PSPC1: variants seen among roughly 807,000 people sequenced by gnomAD.
The protein encoded by PSPC1 is paraspeckle protein 1.
A neutral mutation model predicts 51.6 loss-of-function variants in PSPC1; 14 were observed. The observed-to-expected ratio is 0.27, with a 90% CI of 0.18 to 0.42. The LOEUF (loss-of-function observed/expected upper bound fraction) is 0.42. Among genes scored for constraint, PSPC1 ranks in the 10% least tolerant of loss-of-function variants. The pLI, the probability that PSPC1 is intolerant of heterozygous loss-of-function variation, is 1.00. For missense variants in PSPC1, 406 were observed against 701.1 expected, an observed-to-expected ratio of 0.58 and a Z score of 4.75; for synonymous variants, 193 against 231.9, an observed-to-expected ratio of 0.83 and a Z score of 1.53.
rs184887509 is a variant in PSPC1 at position 19,683,555 on chromosome 13, C to T, written c.1159-5732G>A. On this transcript the variant is annotated intron_variant and NMD_transcript_variant, in intron 6 of 7. Transcript: ENST00000471658. The stretch of plus-strand genomic sequence containing the variant: ...TCATAAGACCTTACGTTTATGAAAA[C>T]AGTCAAACTGAACAAAATCCAAAAC... Among the ~76,000 whole-genome samples the T allele has an allele frequency of 1.8e-4, 28 of 151,860 alleles. 1 individual carries two copies. Among genetic ancestry groups the T allele is most frequent in the South Asian group, 4.2e-4 (2 of 4,816 alleles).
intron 6 of PSPC1, among the ~76,000 whole-genome samples, chr13:19,681,318 T>C (rs933283945): frequency 4.6e-5 from 7 of 152,164 alleles, no homozygotes; most frequent in African/African-American, 1.7e-4. Context: ...TCTCCCAGCC[T>C]TTGAGTAAAA....
At chr13:19,679,589 A>G (rs1314864020) in intron 6 of PSPC1, among the ~76,000 whole-genome samples, 1 of 152,224 alleles carries the variant, frequency 6.6e-6, no homozygotes, top group Non-Finnish European at 1.5e-5. Context: ...ATTATTCCCT[A>G]AACAATATAG....
In PSPC1 at chr13:19,772,689, A is replaced by G. The variant is rs140196529; in HGVS notation, c.373-146T>C. The G allele has an allele frequency of 6.6e-3, 4,724 of 712,210 alleles. 61 individuals are homozygous for G. The highest frequency in any genetic ancestry group is 0.025 in the South Asian group (1,256 of 49,694). 44.1% of individuals were successfully genotyped at this position (712,210 alleles called of 1,614,324 possible). On this transcript the variant is annotated intron_variant, in intron 1 of 8. Transcript: ENST00000338910. ...TTGTATCTTTTAACTTTGGTATCACATGGTTTTTAACTATTCAATGATCAT... is the reference window on the plus strand; with the variant it reads ...TTGTATCTTTTAACTTTGGTATCACGTGGTTTTTAACTATTCAATGATCAT...
chr13:19,779,890 G>A (rs1273678739), intron 1 of PSPC1, among the ~76,000 whole-genome samples: 2 of 119,614 alleles, frequency 1.7e-5, no homozygotes, highest in Admixed American at 7.7e-5. Flanking sequence ...CCGGCCAGCC[G>A]CCCCGTCCGG....
chr13:19,695,574 G>A (rs1030120271), intron 6 of PSPC1, among the ~76,000 whole-genome samples: 1 of 152,048 alleles, frequency 6.6e-6, no homozygotes, highest in African/African-American at 2.4e-5. Flanking sequence ...CAAATATAAA[G>A]TTCTATGGCT....
In PSPC1 at chr13:19,782,671, G is replaced by C; in HGVS notation, c.87C>G (p.Ser29Arg). The C allele has an allele frequency of 1.3e-6, 2 of 1,553,616 alleles. No individual in the cohort carries two copies. Among genetic ancestry groups the C allele is most frequent in the Non-Finnish European group, 1.7e-6 (2 of 1,160,458 alleles). The change falls in exon 1 of 9, where the codon AGC becomes AGG. Residue 29 changes from serine (S) to arginine (R), a missense_variant. Ser to Arg is a moderately radical substitution (Grantham distance 110). Transcript: ENST00000338910. This position sits in a 1 kb window ranked among gnomAD's most constrained non-coding sequence, Gnocchi z 4.5. ...LRALESAVGE[S>R]EPAAAAAMAL... ...CCATGGCTGCCGCGGCCGCCGGCTC[G>C]CTCTCGCCCACCGCGGACTCCAGGG...
chr13:19,694,823 TA>T (rs1879012016), intron 6 of PSPC1, among the ~76,000 whole-genome samples: 1 of 152,210 alleles, frequency 6.6e-6, no homozygotes, highest in Non-Finnish European at 1.5e-5. Flanking sequence ...ACAAACTAAA[TA>T]AAAATCATTT....
At chr13:19,683,964 C>A (rs901625786) in intron 6 of PSPC1, among the ~76,000 whole-genome samples, 2 of 151,960 alleles carry the variant, frequency 1.3e-5, no homozygotes, top group African/African-American at 4.8e-5. Flanking sequence ...TAATTAATGA[C>A]CTCAAAGGAA....
chr13:19,695,101 CTG>C (rs1035615016), intron 6 of PSPC1, among the ~76,000 whole-genome samples: 1 of 152,138 alleles, frequency 6.6e-6, no homozygotes, highest in Non-Finnish European at 1.5e-5. Flanking sequence ...TGTATCTATG[CTG>C]TGTTTATGAC....
intron 6 of PSPC1, among the ~76,000 whole-genome samples, chr13:19,709,815 G>A (rs547836279): frequency 1.3e-5 from 2 of 151,226 alleles, no homozygotes; most frequent in Non-Finnish European, 3.0e-5. Flanking sequence ...AGTTTATATT[G>A]CAAGATTAGA....
At chr13:19,720,430 T>C (rs774244329) in intron 6 of PSPC1, among the ~76,000 whole-genome samples, 9 of 152,190 alleles carry the variant, frequency 5.9e-5, no homozygotes, top group Non-Finnish European at 1.2e-4. Context: ...ACGTATGAGT[T>C]AAGTACACAT....
intron 1 of PSPC1, among the ~76,000 whole-genome samples, chr13:19,775,855 C>T (rs2138341059): frequency 6.6e-6 from 1 of 152,186 alleles, no homozygotes; most frequent in African/African-American, 2.4e-5. Context: ...TTGAGACCAT[C>T]CTGGCTAACA....
At chr13:19,726,370 C>G (rs1883359768) in intron 6 of PSPC1, among the ~76,000 whole-genome samples, 1 of 152,168 alleles carries the variant, frequency 6.6e-6, no homozygotes, top group Non-Finnish European at 1.5e-5. Context: ...ACACGTATAT[C>G]TCCTGGTACC....
At chr13:19,732,003 G>A (rs1040615763) in intron 5 of PSPC1, among the ~76,000 whole-genome samples, 24 of 152,014 alleles carry the variant, frequency 1.6e-4, no homozygotes, top group Non-Finnish European at 2.9e-4. Context: ...ATTTAGAATT[G>A]CAAATCCTCA....
At chr13:19,752,220 T>C (rs1165024769) in intron 3 of PSPC1, among the ~76,000 whole-genome samples, 1 of 152,172 alleles carries the variant, frequency 6.6e-6, no homozygotes, top group East Asian at 1.9e-4. Flanking sequence ...ACTACCATTG[T>C]AGTTAATTAT....
At chr13:19,760,389 G>A (rs1481505817) in intron 2 of PSPC1, among the ~76,000 whole-genome samples, 10 of 152,004 alleles carry the variant, frequency 6.6e-5, no homozygotes, top group African/African-American at 1.7e-4. Context: ...TTAGCCAGGC[G>A]TGGTGGCACA....
At chr13:19,727,197 T>C (rs898638586) in intron 6 of PSPC1, among the ~76,000 whole-genome samples, 7 of 152,186 alleles carry the variant, frequency 4.6e-5, no homozygotes, top group African/African-American at 1.7e-4. Context: ...AGTTCGAGAC[T>C]ATCCTGGCCA....
chr13:19,763,983 G>A (rs367575000), intron 2 of PSPC1, among the ~76,000 whole-genome samples: 10 of 151,928 alleles, frequency 6.6e-5, no homozygotes, highest in African/African-American at 2.4e-4. Context: ...AGCCTGGGCA[G>A]CAGACTGAAA....
At chr13:19,772,666 G>T (rs1189701426) in intron 1 of PSPC1, 123 bp from the exon 2 acceptor site, 8 of 874,988 alleles carry the variant, frequency 9.1e-6, no homozygotes, top group African/African-American at 1.7e-5. Flanking sequence ...ATTTGATTTT[G>T]TATCTTTTAA....
Sources: gnomAD v4.1 joint callset for allele counts (sites outside exome capture counted in the v4.1 genomes callset) on GRCh38, gnomAD v4.1.1 for gene constraint, Gnocchi (gnomAD v3.1) non-coding constraint, MANE v1.5 for transcripts, NCBI Gene and HGNC (gene_info 2026-07-23, HGNC 2026-07-21) for gene names.